The following CCDC102B variants were observed in gnomAD, a reference collection of about 807,000 sequenced individuals.
The protein encoded by CCDC102B is coiled-coil domain containing 102B.
A neutral mutation model predicts 57.4 loss-of-function variants in CCDC102B; 75 were observed. The ratio of observed to expected loss-of-function variants is 1.31; its 90% CI spans 1.08 to 1.58. The LOEUF is 1.58. Among genes scored for constraint, CCDC102B ranks in the 40% most tolerant of loss-of-function variants. The pLI is 0.00. For missense variants in CCDC102B, 636 were observed against 582.6 expected, an observed-to-expected ratio of 1.09 and a Z score of -0.94; for synonymous variants, 206 against 201.9, an observed-to-expected ratio of 1.02 and a Z score of -0.17.
intron 2 of CCDC102B, among the ~76,000 whole-genome samples, chr18:68,719,171 C>T (rs1292120791): frequency 6.6e-6 from 1 of 152,122 alleles, no homozygotes; most frequent in Admixed American, 6.5e-5. Context: ...TAAAATTATA[C>T]CATTAAAAAT....
chr18:68,897,734 G>T, intron 6 of CCDC102B: 1 of 858,008 alleles, frequency 1.2e-6, no homozygotes, highest in Non-Finnish European at 1.6e-6. Context: ...CTTTGTCTCA[G>T]TATTTTCTAA....
At chr18:68,780,843 T>TG (rs2034983781) in intron 2 of CCDC102B, among the ~76,000 whole-genome samples, 1 of 152,132 alleles carries the variant, frequency 6.6e-6, no homozygotes, top group South Asian at 2.1e-4. Context: ...TCTGTCATTA[T>TG]ACAGTCTGAG....
intron 7 of CCDC102B, among the ~76,000 whole-genome samples, chr18:69,026,514 G>C (rs2051997401): frequency 6.6e-6 from 1 of 151,186 alleles, no homozygotes; most frequent in African/African-American, 2.4e-5. Context: ...GGCGACATCT[G>C]GTTACTAGAA....
intron 6 of CCDC102B, among the ~76,000 whole-genome samples, chr18:69,010,242 C>G (rs1387032818): frequency 6.6e-6 from 1 of 150,958 alleles, no homozygotes; most frequent in East Asian, 2.0e-4. Context: ...ACACCTGGCC[C>G]CAATAAAGAC....
At chr18:68,870,911 CT>C (rs2039215760) in intron 4 of CCDC102B, among the ~76,000 whole-genome samples, 1 of 152,088 alleles carries the variant, frequency 6.6e-6, no homozygotes, top group Admixed American at 6.6e-5. Flanking sequence ...AATTATTTTT[CT>C]TTTTCTACCA....
intron 2 of CCDC102B, among the ~76,000 whole-genome samples, chr18:68,784,213 G>A (rs890581683): frequency 6.6e-6 from 1 of 152,130 alleles, no homozygotes; most frequent in Non-Finnish European, 1.5e-5. Context: ...AAGCATGGCA[G>A]CTTCTGTTTT....
At chr18:68,860,366 T>A in intron 4 of CCDC102B, among the ~76,000 whole-genome samples, 1 of 43,332 alleles carries the variant, frequency 2.3e-5, no homozygotes, top group African/African-American at 6.4e-5. Context: ...GACACGTTAG[T>A]GGGTGCAGCG....
intron 2 of CCDC102B, among the ~76,000 whole-genome samples, chr18:68,745,286 C>G (rs1260297103): frequency 6.6e-6 from 1 of 151,760 alleles, no homozygotes; most frequent in Non-Finnish European, 1.5e-5. Flanking sequence ...GGGCCTGGCT[C>G]ACGTAGGGCA....
intron 6 of CCDC102B, among the ~76,000 whole-genome samples, chr18:68,913,719 A>T (rs1446293088): frequency 6.6e-6 from 1 of 152,148 alleles, no homozygotes; most frequent in Non-Finnish European, 1.5e-5. Context: ...ATAAAGCTAA[A>T]GAAAGTGTAA....
At chr18:68,970,249 A>G (rs1455877220) in intron 6 of CCDC102B, among the ~76,000 whole-genome samples, 1 of 152,054 alleles carries the variant, frequency 6.6e-6, no homozygotes, top group Non-Finnish European at 1.5e-5. Context: ...TTTAGATAAC[A>G]TGTATTTCCT....
intron 2 of CCDC102B, among the ~76,000 whole-genome samples, chr18:68,765,886 G>T (rs2034455437): frequency 6.6e-6 from 1 of 151,778 alleles, no homozygotes; most frequent in South Asian, 2.1e-4. Context: ...GCACATGTGT[G>T]ACTCTCATGA....
intron 6 of CCDC102B, among the ~76,000 whole-genome samples, chr18:69,005,853 T>C (rs898497093): frequency 6.6e-6 from 1 of 151,692 alleles, no homozygotes; most frequent in Non-Finnish European, 1.5e-5. Flanking sequence ...CTTTTCTATA[T>C]CAAGATCTGA....
intron 6 of CCDC102B, among the ~76,000 whole-genome samples, chr18:68,937,309 A>C (rs759778400): frequency 7.9e-5 from 12 of 152,082 alleles, no homozygotes; most frequent in Non-Finnish European, 1.2e-4. Flanking sequence ...GTGGCACCAG[A>C]TAAGCCTCAA....
intron 7 of CCDC102B, among the ~76,000 whole-genome samples, chr18:69,023,898 AC>A (rs1217316046): frequency 6.6e-6 from 1 of 152,124 alleles, no homozygotes; most frequent in Non-Finnish European, 1.5e-5. Flanking sequence ...CAGTGGTGTT[AC>A]AAATTCCTGA....
chr18:68,758,678 TC>T (rs1228155564), intron 2 of CCDC102B, among the ~76,000 whole-genome samples: 5 of 151,442 alleles, frequency 3.3e-5, no homozygotes, highest in Non-Finnish European at 5.9e-5. Flanking sequence ...AATCATGATA[TC>T]TATAGTTTTA....
chr18:68,807,752 G>A (rs930435444), intron 1 of CCDC102B, among the ~76,000 whole-genome samples: 5 of 151,970 alleles, frequency 3.3e-5, no homozygotes, highest in African/African-American at 7.2e-5. Flanking sequence ...AAATGAAAAC[G>A]GATCCCAGAT....
At chr18:68,931,341 T>C (rs2041665636) in intron 6 of CCDC102B, among the ~76,000 whole-genome samples, 1 of 151,972 alleles carries the variant, frequency 6.6e-6, no homozygotes, top group African/African-American at 2.4e-5. Flanking sequence ...CATTTTGGAC[T>C]CAAAAGACGT....
intron 6 of CCDC102B, among the ~76,000 whole-genome samples, chr18:68,919,880 T>A (rs1383266294): frequency 2.0e-5 from 3 of 152,226 alleles, no homozygotes; most frequent in African/African-American, 7.2e-5. Flanking sequence ...CCAGTCATAA[T>A]TACTAAGATA....
At chr18:68,752,576 A>T (rs1054839905) in intron 2 of CCDC102B, among the ~76,000 whole-genome samples, 1 of 151,628 alleles carries the variant, frequency 6.6e-6, no homozygotes, top group Non-Finnish European at 1.5e-5. Context: ...TTCGTCCAAT[A>T]GGTAAACTCC....
Sources: allele counts gnomAD v4.1 joint callset (sites outside exome capture counted in the v4.1 genomes callset), GRCh38; gene constraint gnomAD v4.1.1; transcripts MANE v1.5; gene names NCBI Gene and HGNC (gene_info 2026-07-23, HGNC 2026-07-21).